The following STARD13 variants were observed in gnomAD, a reference collection of about 807,000 sequenced individuals.
The protein encoded by STARD13 is stAR-related lipid transfer protein 13.
A neutral mutation model predicts 106.4 loss-of-function variants in STARD13; 62 were observed. That is an observed-to-expected ratio of 0.58 (90% CI 0.48 to 0.72). STARD13 has a LOEUF of 0.72. Ranked by LOEUF, STARD13 falls within the 30% of genes least tolerant of loss-of-function variation. The pLI is 0.00. For synonymous variants in STARD13, 565 were observed against 553.0 expected, an observed-to-expected ratio of 1.02 and a Z score of -0.31; for missense variants, 1,387 against 1,424.0, an observed-to-expected ratio of 0.97 and a Z score of 0.42.
At chr13:33,182,993 G>T (rs561660784) in intron 1 of STARD13, among the ~76,000 whole-genome samples, 1 of 152,252 alleles carries the variant, frequency 6.6e-6, no homozygotes, top group African/African-American at 2.4e-5. Context: ...CATATCCCAC[G>T]CCTGTGCTTA....
chr13:33,455,323 G>T, the STARD13 span, among the ~76,000 whole-genome samples: 2 of 152,222 alleles, frequency 1.3e-5, no homozygotes, highest in Non-Finnish European at 2.9e-5. Flanking sequence ...AGTACTAAGA[G>T]AATTTGAGAG....
chr13:33,618,054 G>A, the STARD13 span, among the ~76,000 whole-genome samples: 20 of 152,268 alleles, frequency 1.3e-4, no homozygotes, highest in African/African-American at 3.9e-4. Context: ...AGGAGAAAGC[G>A]TCACATATGT....
At chr13:33,451,910 G>T in the STARD13 span, among the ~76,000 whole-genome samples, 2 of 152,220 alleles carry the variant, frequency 1.3e-5, no homozygotes, top group African/African-American at 4.8e-5. Flanking sequence ...CTAAAAGTTG[G>T]TAATTATGAA....
At chr13:33,290,307 G>C (rs1892243984), upstream of STARD13, among the ~76,000 whole-genome samples, 1 of 152,182 alleles carries the variant, frequency 6.6e-6, no homozygotes, top group Non-Finnish European at 1.5e-5. Flanking sequence ...GATTTGGAAG[G>C]CTGCTTTCGA....
At position 33,180,913 on chromosome 13, in the gene STARD13, C is replaced by T. The variant is rs1885166428; in HGVS notation, c.170-13291G>A. Among the ~76,000 whole-genome samples, 2 of 152,042 alleles carry T rather than the reference C, an allele frequency of 1.3e-5. 1 individual carries two copies. Among genetic ancestry groups the T allele is most frequent in the Admixed American group, 1.3e-4 (2 of 15,256 alleles). On this transcript the variant is annotated intron_variant, in intron 1 of 13. Transcript: ENST00000336934. ...TCTAAAATAAGGAACAAGTAAATAT[C>T]GACACATAATTTTTTAAAAAATTTA...
chr13:33,365,337 T>C, the STARD13 span, among the ~76,000 whole-genome samples: 77 of 152,308 alleles, frequency 5.1e-4, no homozygotes, highest in African/African-American at 1.8e-3. Context: ...CTAGAGCCTT[T>C]AATCGAGCAA....
At chr13:33,350,604 C>A (rs2078067800) in exon 1 of STARD13, 6 of 1,382,566 alleles carry the variant, frequency 4.3e-6, no homozygotes, top group Non-Finnish European at 5.6e-6. Flanking sequence ...GGATGCCTGG[C>A]CACCAGAAAC....
the STARD13 span, among the ~76,000 whole-genome samples, chr13:33,491,428 G>A: frequency 2.0e-4 from 31 of 152,262 alleles, no homozygotes; most frequent in Middle Eastern, 6.8e-3. Context: ...AAAATTTCAA[G>A]ATTATTGTTT....
At chr13:33,333,943 T>A (rs892435720) in intron 1 of STARD13, 5 of 152,180 alleles carry the variant, frequency 3.3e-5, no homozygotes, top group African/African-American at 9.7e-5. Flanking sequence ...ATAGGTGACC[T>A]GCAACAGGTG....
chr13:33,308,704 A>G (rs1306916641), intron 1 of STARD13, among the ~76,000 whole-genome samples: 3 of 151,644 alleles, frequency 2.0e-5, no homozygotes, highest in Non-Finnish European at 1.5e-5. Context: ...TTGTGTTTTT[A>G]GTAGAGACAA....
At chr13:33,381,613 G>A in the STARD13 span, among the ~76,000 whole-genome samples, 8 of 151,984 alleles carry the variant, frequency 5.3e-5, no homozygotes, top group African/African-American at 1.2e-4. Context: ...GGTGGCAGGC[G>A]CCTGTAATCT....
At chr13:33,287,178 A>G (rs1332768513), upstream of STARD13, among the ~76,000 whole-genome samples, 2 of 152,214 alleles carry the variant, frequency 1.3e-5, no homozygotes, top group Admixed American at 6.5e-5. Flanking sequence ...CCAAATTAAA[A>G]GTTTAACAGG....
chr13:33,337,960 A>G (rs2138582110), intron 1 of STARD13, among the ~76,000 whole-genome samples: 1 of 152,376 alleles, frequency 6.6e-6, no homozygotes, highest in East Asian at 1.9e-4. Context: ...CAGAGGTCAC[A>G]TGACCCTGCA....
At chr13:33,382,452 A>G in the STARD13 span, among the ~76,000 whole-genome samples, 1 of 152,034 alleles carries the variant, frequency 6.6e-6, no homozygotes, top group African/African-American at 2.4e-5. Context: ...CTTAGCATTG[A>G]TATCATCTGT....
chr13:33,308,163 A>G (rs1260911859), intron 1 of STARD13, among the ~76,000 whole-genome samples: 2 of 152,178 alleles, frequency 1.3e-5, no homozygotes, highest in African/African-American at 2.4e-5. Context: ...AATCATGGCT[A>G]TCTCCTCTGA....
chr13:33,109,863 T>C lies in STARD13; in HGVS notation c.3047+10A>G. The C allele has an allele frequency of 6.2e-7, 1 of 1,613,674 alleles. No individual in the cohort carries two copies. Among genetic ancestry groups the C allele is most frequent in the African/African-American group, 1.3e-5 (1 of 75,004 alleles). ...GAACAGAACATCATAAACCCTAGAG[T>C]CAGGCTCACCTGAGAACCACAAAGT... On this transcript the variant is annotated intron_variant, in intron 12 of 13. Coordinates refer to ENST00000336934, the MANE Select transcript of STARD13 (RefSeq NM_178006.4).
the STARD13 span, among the ~76,000 whole-genome samples, chr13:33,502,113 T>C: frequency 6.6e-6 from 1 of 152,182 alleles, no homozygotes; most frequent in African/African-American, 2.4e-5. Flanking sequence ...CCTTATAAGT[T>C]GGATTCCTAG....
intron 1 of STARD13, among the ~76,000 whole-genome samples, chr13:33,215,804 A>G (rs1240492900): frequency 6.6e-6 from 1 of 152,206 alleles, no homozygotes; most frequent in Non-Finnish European, 1.5e-5. Context: ...AATCTTCACA[A>G]TCTATACATC....
In STARD13 at chr13:33,111,777, C is replaced by T. The variant is rs775354327; in HGVS notation, c.2607+1G>A. On this transcript the variant is annotated splice_donor_variant, in intron 10 of 13. Transcript: ENST00000336934. LOFTEE classifies it high-confidence loss of function. Reference sequence around the variant, plus strand: ...GGCGGAGGTTCGAGCCTTTTGCTCACCTCAAAAAGTCTGTCGCATTCCATG... The same window carrying T: ...GGCGGAGGTTCGAGCCTTTTGCTCATCTCAAAAAGTCTGTCGCATTCCATG... The T allele has an allele frequency of 6.2e-7, 1 of 1,610,468 alleles. No individual in the cohort carries two copies. The highest frequency in any genetic ancestry group is 8.5e-7 in the Non-Finnish European group (1 of 1,176,680).
Sources: gnomAD v4.1 joint callset for allele counts (sites outside exome capture counted in the v4.1 genomes callset) on GRCh38, gnomAD v4.1.1 for gene constraint, MANE v1.5 for transcripts, NCBI Gene and HGNC (gene_info 2026-07-23, HGNC 2026-07-21) for gene names.